Variants in TRAPPC9 observed in about 807,000 individuals in gnomAD.
The protein encoded by TRAPPC9 is trafficking protein particle complex subunit 9.
Under a neutral mutation model 124.0 loss-of-function variants are expected in TRAPPC9, and 83 were observed. The ratio of observed to expected loss-of-function variants is 0.67; its 90% CI spans 0.56 to 0.80. The LOEUF is 0.80. Ranked by LOEUF, TRAPPC9 falls within the 30% of genes least tolerant of loss-of-function variation. The probability of loss-of-function intolerance (pLI) is 0.00; values close to 1 mark genes in which losing one functional copy is unlikely to be tolerated. For missense variants in TRAPPC9, 1,302 were observed against 1,508.3 expected (o/e 0.86, Z 2.27); for synonymous variants, 638 against 617.5 (o/e 1.03, Z -0.49).
intron 21 of TRAPPC9, among the ~76,000 whole-genome samples, chr8:139,750,790 T>C (rs1173717706): frequency 2.6e-5 from 4 of 152,200 alleles, no homozygotes; most frequent in Non-Finnish European, 5.9e-5. Context: ...TATGCTGGGA[T>C]TCTACCTGCA....
At position 139,947,894 on chromosome 8, in the gene TRAPPC9, G is replaced by GTGTGTATATATATATATA. The variant is rs1554678277; in HGVS notation, c.2811-37595_2811-37594insTATATATATATATACACA. Among the ~76,000 whole-genome samples the GTGTGTATATATATATATA allele has an allele frequency of 6.2e-4, 41 of 65,836 alleles. 6 individuals carry two copies. Among genetic ancestry groups the GTGTGTATATATATATATA allele is most frequent in the African/African-American group, 7.0e-4 (12 of 17,248 alleles). 43.2% of individuals were successfully genotyped at this position (65,836 alleles called of 152,430 possible). On this transcript the variant is annotated intron_variant, in intron 19 of 22. Coordinates refer to ENST00000438773, the MANE Select transcript of TRAPPC9 (RefSeq NM_001160372.4). ...AAAAAAAAAAAAAAGAAATATGTGT[G>GTGTGTATATATATATATA]TATATATATATATAGAGAGAGAGAG...
chr8:140,457,847 G>A, upstream of TRAPPC9: 1 of 1,121,410 alleles, frequency 8.9e-7, no homozygotes, highest in Non-Finnish European at 1.1e-6. Flanking sequence ...AAGGGGGTAG[G>A]AGCGAGGGAG....
chr8:139,924,487 T>A (rs1832689926), intron 19 of TRAPPC9, among the ~76,000 whole-genome samples: 1 of 152,218 alleles, frequency 6.6e-6, no homozygotes. Flanking sequence ...TGCATACGTG[T>A]ACCACGGGAC....
chr8:139,747,862 G>A (rs1819029669), intron 21 of TRAPPC9, among the ~76,000 whole-genome samples: 1 of 72,040 alleles, frequency 1.4e-5, no homozygotes, highest in Non-Finnish European at 2.4e-5. Context: ...AGGGATCAGA[G>A]AAGATGCAGG....
intron 18 of TRAPPC9, among the ~76,000 whole-genome samples, chr8:140,021,617 G>T (rs1839842985): frequency 6.6e-6 from 1 of 152,186 alleles, no homozygotes; most frequent in Non-Finnish European, 1.5e-5. Flanking sequence ...TATCAGGGTA[G>T]TAAAAAACAG....
intron 16 of TRAPPC9, among the ~76,000 whole-genome samples, chr8:140,232,096 TA>T (rs1372929721): frequency 1.3e-5 from 2 of 151,526 alleles, no homozygotes; most frequent in Non-Finnish European, 2.9e-5. Flanking sequence ...AAAAACATCT[TA>T]AAATAGAGAT....
At chr8:140,055,785 T>C (rs1044963655) in intron 17 of TRAPPC9, among the ~76,000 whole-genome samples, 1 of 152,106 alleles carries the variant, frequency 6.6e-6, no homozygotes, top group Non-Finnish European at 1.5e-5. Context: ...TACTAAGGAA[T>C]AAACTTAACC....
chr8:140,135,471 T>C (rs536960063), intron 17 of TRAPPC9, among the ~76,000 whole-genome samples: 1 of 152,330 alleles, frequency 6.6e-6, no homozygotes, highest in South Asian at 2.1e-4. Context: ...GAAGGAAATT[T>C]TGACATATGC....
At chr8:140,333,366 T>C (rs1197614025) in intron 9 of TRAPPC9, among the ~76,000 whole-genome samples, 6 of 152,160 alleles carry the variant, frequency 3.9e-5, no homozygotes, top group African/African-American at 9.7e-5. Context: ...GATGTAGATA[T>C]AGATATAGAT....
chr8:139,963,749 C>CAAAAAAAAAAAA (rs58224556), intron 19 of TRAPPC9, among the ~76,000 whole-genome samples: 7 of 107,354 alleles, frequency 6.5e-5, no homozygotes, highest in Admixed American at 2.0e-4. Flanking sequence ...CCAGTTCTAC[C>CAAAAAAAAAAAA]AAAAAAAAAA....
In TRAPPC9 at chr8:140,247,624, T is replaced by C. The variant is rs866555499; in HGVS notation, c.2431+5153A>G. On this transcript the variant is annotated intron_variant, in intron 16 of 22. Transcript: ENST00000438773. Reference sequence around the variant, plus strand: ...TAGTTTTTAACATGTTGTGGTTCCATTGTTTCCGTTTCCTTCTCTGGTGTC... The same window carrying C: ...TAGTTTTTAACATGTTGTGGTTCCACTGTTTCCGTTTCCTTCTCTGGTGTC... Among the ~76,000 whole-genome samples the C allele has an allele frequency of 4.6e-5, 7 of 152,292 alleles. No homozygotes were observed. The Middle Eastern group carries it at 0.014, about 296-fold the overall frequency.
At chr8:139,988,187 A>G (rs1371837588) in intron 19 of TRAPPC9, among the ~76,000 whole-genome samples, 3 of 139,122 alleles carry the variant, frequency 2.2e-5, no homozygotes, top group African/African-American at 8.3e-5. Context: ...ATCTCGGCTC[A>G]CTGCACCCTC....
At chr8:139,877,586 C>A (rs1829403738) in intron 21 of TRAPPC9, among the ~76,000 whole-genome samples, 1 of 152,170 alleles carries the variant, frequency 6.6e-6, no homozygotes, top group African/African-American at 2.4e-5. Flanking sequence ...CCCTCTGCAG[C>A]AGGAACACAC....
In TRAPPC9 at chr8:139,826,100, G is replaced by A. The variant is rs1049167059; in HGVS notation, c.3055+59779C>T. Among the ~76,000 whole-genome samples, 6 of 152,222 alleles carry A rather than the reference G, an allele frequency of 3.9e-5. No individual in the cohort carries two copies. In the South Asian group the frequency reaches 8.3e-4, roughly 21 times the overall value. The stretch of plus-strand genomic sequence containing the variant: ...GGTCTGAAGTAGGGGAGGGCACAGA[G>A]AGCCCAGGGTGACCCAACCTGGAGC... On this transcript the variant is annotated intron_variant, in intron 21 of 22. Transcript: ENST00000438773.
intron 21 of TRAPPC9, among the ~76,000 whole-genome samples, chr8:139,882,681 T>C (rs1438422584): frequency 6.6e-6 from 1 of 152,070 alleles, no homozygotes; most frequent in Non-Finnish European, 1.5e-5. Context: ...AGGAGACAGG[T>C]GCGGGTCTCA....
At chr8:139,839,376 C>T (rs1225298985) in intron 21 of TRAPPC9, among the ~76,000 whole-genome samples, 1 of 152,166 alleles carries the variant, frequency 6.6e-6, no homozygotes, top group African/African-American at 2.4e-5. Context: ...CCTATGCAGC[C>T]CCAGGGCAGG....
intron 17 of TRAPPC9, among the ~76,000 whole-genome samples, chr8:140,081,246 A>G (rs1843796658): frequency 6.6e-6 from 1 of 152,094 alleles, no homozygotes; most frequent in Admixed American, 6.5e-5. Flanking sequence ...TCAGCCTGGA[A>G]TCCCAGCTCT....
chr8:140,020,911 C>T (rs1587511000), intron 18 of TRAPPC9, among the ~76,000 whole-genome samples: 4 of 152,138 alleles, frequency 2.6e-5, no homozygotes, highest in Admixed American at 2.6e-4. Context: ...TCTTGAAAGT[C>T]TAACCGTTTG....
intron 14 of TRAPPC9, among the ~76,000 whole-genome samples, chr8:140,283,216 T>C (rs7006182): frequency 0.58 from 87,752 of 150,102 alleles, 28,521 homozygotes; most frequent in African/African-American, 0.86. Context: ...CCAGCCTGGG[T>C]GACAGAGTGG....
Sources: allele counts gnomAD v4.1 joint callset (sites outside exome capture counted in the v4.1 genomes callset), GRCh38; gene constraint gnomAD v4.1.1; transcripts MANE v1.5; gene names NCBI Gene and HGNC (gene_info 2026-07-23, HGNC 2026-07-21).